The following FSTL5 variants were observed in gnomAD, a reference collection of about 807,000 sequenced individuals.
FSTL5 encodes follistatin like 5.
FSTL5 carries 62 observed loss-of-function variants against 89.1 expected under a neutral mutation model. That is an observed-to-expected ratio of 0.70 (90% CI 0.57 to 0.86). The LOEUF is 0.86. Ranked by LOEUF, FSTL5 falls within the 40% of genes least tolerant of loss-of-function variation. The pLI, the probability that FSTL5 is intolerant of heterozygous loss-of-function variation, is 0.00. For missense variants in FSTL5, 1,057 were observed against 1,001.6 expected, an observed-to-expected ratio of 1.06 and a Z score of -0.75; for synonymous variants, 383 against 346.2, an observed-to-expected ratio of 1.11 and a Z score of -1.18.
chr4:161,826,741 A>T (rs531139357), intron 4 of FSTL5, among the ~76,000 whole-genome samples: 2 of 152,106 alleles, frequency 1.3e-5, no homozygotes, highest in African/African-American at 2.4e-5. Flanking sequence ...ATCTGCATAG[A>T]CTATCTTTTT....
chr4:161,493,470 C>T (rs939190494), intron 12 of FSTL5, among the ~76,000 whole-genome samples: 15 of 151,120 alleles, frequency 9.9e-5, no homozygotes, highest in East Asian at 5.8e-4. Context: ...TTATATTTGC[C>T]GTGAATATAT....
chr4:161,476,479 T>A (rs1242580431), intron 13 of FSTL5, among the ~76,000 whole-genome samples: 1 of 152,044 alleles, frequency 6.6e-6, no homozygotes, highest in Non-Finnish European at 1.5e-5. Flanking sequence ...GAGCCATATA[T>A]ACATGCCCAG....
chr4:162,025,809 GTCTA>G (rs2111171372), intron 3 of FSTL5, among the ~76,000 whole-genome samples: 1 of 151,488 alleles, frequency 6.6e-6, no homozygotes, highest in Admixed American at 6.6e-5. Context: ...AAAAAAATCC[GTCTA>G]TCTACTTAGT....
intron 5 of FSTL5, among the ~76,000 whole-genome samples, chr4:161,765,770 T>A (rs1740971085): frequency 6.6e-6 from 1 of 152,014 alleles, no homozygotes; most frequent in Non-Finnish European, 1.5e-5. Context: ...CATATGTTTA[T>A]ATAAGGGAAG....
chr4:161,506,776 A>G (rs1296093705), intron 11 of FSTL5, among the ~76,000 whole-genome samples: 2 of 152,196 alleles, frequency 1.3e-5, no homozygotes, highest in Non-Finnish European at 2.9e-5. Flanking sequence ...ATTACAGATT[A>G]TGAAACTAAT....
At chr4:161,913,738 T>C (rs1461386707) in intron 4 of FSTL5, among the ~76,000 whole-genome samples, 1 of 152,130 alleles carries the variant, frequency 6.6e-6, no homozygotes, top group Non-Finnish European at 1.5e-5. Context: ...ATTTTGGATG[T>C]TTGAAATTTG....
chr4:161,656,252 TC>T, intron 7 of FSTL5, 75 bp downstream of exon 7: 1 of 694,282 alleles, frequency 1.4e-6, no homozygotes, highest in Non-Finnish European at 2.2e-6. Context: ...TTCATTAAGC[TC>T]CCCTGACATC....
chr4:161,791,830 A>G (rs1729486078), intron 4 of FSTL5, among the ~76,000 whole-genome samples: 1 of 152,192 alleles, frequency 6.6e-6, no homozygotes, highest in Non-Finnish European at 1.5e-5. Flanking sequence ...ATCTTGATTG[A>G]AAAGATCCTT....
At chr4:161,410,360 A>T (rs1731543854) in intron 15 of FSTL5, among the ~76,000 whole-genome samples, 3 of 152,154 alleles carry the variant, frequency 2.0e-5, no homozygotes, top group Non-Finnish European at 4.4e-5. Context: ...TTACCTTGAC[A>T]CTTGACCAAC....
intron 1 of FSTL5, among the ~76,000 whole-genome samples, chr4:162,150,567 A>C (rs1733187130): frequency 6.6e-6 from 1 of 152,222 alleles, no homozygotes; most frequent in African/African-American, 2.4e-5. Context: ...TTACAACAGA[A>C]GAATTACTAC....
intron 8 of FSTL5, among the ~76,000 whole-genome samples, chr4:161,546,193 T>C (rs184260087): frequency 4.7e-5 from 7 of 150,510 alleles, no homozygotes; most frequent in Non-Finnish European, 8.9e-5. Context: ...ATAGCCACAA[T>C]AAAGCACAGA....
chr4:161,763,711 T>A (rs1273237061), intron 5 of FSTL5, among the ~76,000 whole-genome samples: 1 of 152,196 alleles, frequency 6.6e-6, no homozygotes, highest in African/African-American at 2.4e-5. Context: ...TTTCCCAAAC[T>A]AATCATGATC....
rs1322562318 is a variant in FSTL5 at position 161,887,442 on chromosome 4, C to CT, written c.409+32961_409+32962insA. Reference sequence around the variant, plus strand: ...ATCTATCTATCATCTATCTACCTATCATCTATAATCTATCAGTCTATCTGT... The same window carrying CT: ...ATCTATCTATCATCTATCTACCTATCTATCTATAATCTATCAGTCTATCTGT... On this transcript the variant is annotated intron_variant, in intron 4 of 15. Transcript: ENST00000306100. Among the ~76,000 whole-genome samples the CT allele has an allele frequency of 2.2e-3, 319 of 148,040 alleles. 2 individuals are homozygous for CT. Among genetic ancestry groups the CT allele is most frequent in the African/African-American group, 7.8e-3 (307 of 39,172 alleles).
rs144447066 is a variant in FSTL5 at position 161,536,149 on chromosome 4, C to A, written c.1312+2017G>T. Among the ~76,000 whole-genome samples, 871 of 152,110 alleles carry A rather than the reference C, an allele frequency of 5.7e-3. 6 individuals are homozygous for A. The highest frequency in any genetic ancestry group is 0.02 in the African/African-American group (825 of 41,498). Reference sequence around the variant, plus strand: ...AATCTATTGGGTACTATGCTCACTACCTGGATGATGTGATCACTTGTACCC... The same window carrying A: ...AATCTATTGGGTACTATGCTCACTAACTGGATGATGTGATCACTTGTACCC... On this transcript the variant is annotated intron_variant, in intron 10 of 15. Transcript: ENST00000306100.
intron 3 of FSTL5, among the ~76,000 whole-genome samples, chr4:162,019,235 C>T (rs1452936486): frequency 2.6e-5 from 4 of 151,976 alleles, no homozygotes; most frequent in Non-Finnish European, 4.4e-5. Flanking sequence ...GCACTAATCA[C>T]GATATATGTA....
chr4:161,920,355 A>T (rs1733956391), intron 4 of FSTL5, 49 bp downstream of exon 4: 3 of 1,575,282 alleles, frequency 1.9e-6, no homozygotes. Context: ...CTAGTTGAGA[A>T]AGAAAAGAAA....
rs114554094 is a variant in FSTL5, at chr4:161,404,214, A to G, written c.1842-17765T>C. Reference sequence around the variant, plus strand: ...GCTAAGCAGAGGGTATTACTGAAAAATTATCAAGAGGCAAATGATGAAGCT... The same window carrying G: ...GCTAAGCAGAGGGTATTACTGAAAAGTTATCAAGAGGCAAATGATGAAGCT... On this transcript the variant is annotated intron_variant, in intron 15 of 15. Coordinates refer to ENST00000306100, the MANE Select transcript of FSTL5 (RefSeq NM_020116.5). 9.3e-3 allele frequency among the ~76,000 whole-genome samples: 1,414 copies of G among 152,312 alleles called. 17 individuals carry two copies. Among genetic ancestry groups the G allele is most frequent in the African/African-American group, 0.031 (1,292 of 41,566 alleles).
intron 5 of FSTL5, among the ~76,000 whole-genome samples, chr4:161,760,146 A>C (rs1740735092): frequency 6.6e-6 from 1 of 152,236 alleles, no homozygotes; most frequent in African/African-American, 2.4e-5. Flanking sequence ...ATTGATGATG[A>C]AAATCTATCC....
At chr4:162,009,617 T>G (rs552596690) in intron 3 of FSTL5, among the ~76,000 whole-genome samples, 1 of 152,166 alleles carries the variant, frequency 6.6e-6, no homozygotes, top group Non-Finnish European at 1.5e-5. Flanking sequence ...TAATACATCT[T>G]AATATATAAT....
Sources: allele counts gnomAD v4.1 joint callset (sites outside exome capture counted in the v4.1 genomes callset), GRCh38; gene constraint gnomAD v4.1.1; transcripts MANE v1.5; gene names NCBI Gene and HGNC (gene_info 2026-07-23, HGNC 2026-07-21).